TXNRD3: variants seen among roughly 807,000 people sequenced by gnomAD.
The protein encoded by TXNRD3 is thioredoxin reductase 3, also known as TXNRD3 neighbor gene protein.
In TXNRD3, 68 loss-of-function variants were observed where a neutral mutation model predicts 78.2. The ratio of observed to expected loss-of-function variants is 0.87; its 90% CI spans 0.72 to 1.06. TXNRD3 has a LOEUF of 1.06. Among genes scored for constraint, TXNRD3 ranks in the 50% least tolerant of loss-of-function variants. The pLI is 0.00. For missense variants in TXNRD3, 751 were observed against 809.5 expected, an observed-to-expected ratio of 0.93 and a Z score of 0.88; for synonymous variants, 296 against 300.1, an observed-to-expected ratio of 0.99 and a Z score of 0.14.
At position 126,621,855 on chromosome 3, in the gene TXNRD3, G is replaced by A; in HGVS notation, c.1411C>T (p.Pro471Ser). 1 of 1,533,702 alleles carries A rather than the reference G, an allele frequency of 6.5e-7. No homozygotes were observed. Among genetic ancestry groups the A allele is most frequent in the South Asian group, 1.2e-5 (1 of 83,302 alleles). ...ATATCACCAACAGCATAGACATATG[G>A]CACATTGGTCTGTTCCACATCATTT... Residue 471 changes from proline (P) to serine (S), a missense_variant, in exon 12 of 16, where the codon CCA becomes TCA. Physicochemically the swap from Pro to Ser is moderately conservative, Grantham distance 74. Transcript: ENST00000524230.
chr3:126,622,510 T>C lies in TXNRD3; in HGVS notation c.1321A>G (p.Thr441Ala). Residue 441 changes from threonine to alanine, a missense_variant, in exon 11 of 16, where the codon ACA becomes GCA. Thr to Ala is a moderately conservative substitution (Grantham distance 58). Coordinates refer to ENST00000524230, the MANE Select transcript of TXNRD3 (RefSeq NM_052883.3). ...ATCTTCTCCAAGCCTATTTTCCTTG[T>C]ACAGGAGTCACGACCAATAGCTAAC... 1 of 1,535,442 alleles carries C rather than the reference T, an allele frequency of 6.5e-7. No homozygotes were observed. Among genetic ancestry groups the C allele is most frequent in the Non-Finnish European group, 8.7e-7 (1 of 1,146,728 alleles).
chr3:126,620,017 C>T (rs1008959085), intron 12 of TXNRD3, among the ~76,000 whole-genome samples: 13 of 152,138 alleles, frequency 8.5e-5, no homozygotes, highest in Non-Finnish European at 1.2e-4. Context: ...CACTCTTGGC[C>T]GGGCACGGTG....
At chr3:126,626,669 C>A (rs1453737154) in intron 10 of TXNRD3, among the ~76,000 whole-genome samples, 3 of 152,162 alleles carry the variant, frequency 2.0e-5, no homozygotes, top group South Asian at 2.1e-4. Context: ...ACAACTAGGC[C>A]TTCACATATA....
At chr3:126,633,199 T>G (rs777227) in intron 7 of TXNRD3, among the ~76,000 whole-genome samples, 30,466 of 152,058 alleles carry the variant, frequency 0.2, 3,307 homozygotes, top group Admixed American at 0.29. Context: ...TGTGTTATAC[T>G]CCCAATTTCC....
intron 10 of TXNRD3, among the ~76,000 whole-genome samples, chr3:126,628,115 T>C (rs987789032): frequency 3.3e-5 from 5 of 152,250 alleles, no homozygotes; most frequent in Admixed American, 2.0e-4. Flanking sequence ...ACTGTTATAA[T>C]TGAACATACA....
rs1938694845 is a variant in TXNRD3, at chr3:126,630,833, TCTA to T, written c.1073_1075del (p.Leu358_Asp359delinsHis). On this transcript the variant is annotated inframe_deletion, in exon 9 of 16. Coordinates refer to ENST00000524230, the MANE Select transcript of TXNRD3 (RefSeq NM_052883.3). The stretch of plus-strand genomic sequence containing the variant: ...GATTGAGCGTACCATAACTGTGACA[TCTA>T]GGCCAAAGCCAGCCAGAAACCCTGC... 2 of 1,535,632 alleles carry T rather than the reference TCTA, an allele frequency of 1.3e-6. No individual in the cohort carries two copies. Among genetic ancestry groups the T allele is most frequent in the Non-Finnish European group, 1.7e-6 (2 of 1,146,872 alleles).
intron 14 of TXNRD3, 43 bp from the exon 15 acceptor site, chr3:126,608,676 T>C: frequency 6.6e-7 from 1 of 1,521,422 alleles, no homozygotes; most frequent in Non-Finnish European, 8.8e-7. Context: ...AGTAGGTTAA[T>C]GGTCTGAATA....
chr3:126,632,862 G>A (rs1938756599), intron 7 of TXNRD3, among the ~76,000 whole-genome samples: 1 of 152,136 alleles, frequency 6.6e-6, no homozygotes, highest in African/African-American at 2.4e-5. Flanking sequence ...GGGTGAAACG[G>A]AGACTCTGGA....
At chr3:126,631,023 T>C (rs893822086) in intron 8 of TXNRD3, 86 bp from the exon 9 acceptor site, 1 of 1,283,216 alleles carries the variant, frequency 7.8e-7, no homozygotes, top group Non-Finnish European at 1.1e-6. Context: ...GGTCTTGTGA[T>C]GACTGAATTA....
chr3:126,610,896 T>C (rs555749598), intron 14 of TXNRD3, 141 bp downstream of exon 14: 36 of 481,976 alleles, frequency 7.5e-5, no homozygotes, highest in African/African-American at 6.1e-4. Context: ...GGAGGATCAC[T>C]TGAGGCCAGG....
rs1933178349 is a variant in TXNRD3 at position 126,644,336 on chromosome 3, G to A, written c.480C>T (p.Ile160=). Residue 160 remains isoleucine, a synonymous_variant, in exon 4 of 16, where the codon ATC becomes ATT. Transcript: ENST00000524230. Reference sequence around the variant, plus strand: ...GGCCTCCAGAACCACCACCGATGATGATGAGATCATAATCATATGCCAAAT... The same window carrying A: ...GGCCTCCAGAACCACCACCGATGATAATGAGATCATAATCATATGCCAAAT... 3 of 1,536,348 alleles carry A rather than the reference G, an allele frequency of 2.0e-6. No individual in the cohort carries two copies. Among genetic ancestry groups the A allele is most frequent in the Non-Finnish European group, 1.7e-6 (2 of 1,147,002 alleles).
chr3:126,641,618 C>T (rs1933090929), intron 6 of TXNRD3, among the ~76,000 whole-genome samples: 1 of 152,190 alleles, frequency 6.6e-6, no homozygotes, highest in African/African-American at 2.4e-5. Context: ...ATCCCCAGAG[C>T]TTAGCCAATA....
chr3:126,611,170 T>C, intron 13 of TXNRD3, 38 bp from the exon 14 acceptor site: 1 of 1,306,966 alleles, frequency 7.7e-7, no homozygotes. Flanking sequence ...AGAATTAATG[T>C]ATATGGAAAC....
chr3:126,623,487 G>A (rs1296519931), intron 10 of TXNRD3, among the ~76,000 whole-genome samples: 2 of 152,006 alleles, frequency 1.3e-5, no homozygotes, highest in African/African-American at 2.4e-5. Context: ...TATATAAAAA[G>A]GATAATTGTT....
intron 12 of TXNRD3, among the ~76,000 whole-genome samples, chr3:126,620,576 A>C (rs1411506750): frequency 1.3e-5 from 2 of 152,212 alleles, no homozygotes; most frequent in Non-Finnish European, 2.9e-5. Flanking sequence ...GAACAAAAAC[A>C]GCAGGATGTG....
intron 6 of TXNRD3, among the ~76,000 whole-genome samples, chr3:126,638,162 CT>C (rs1932954377): frequency 1.3e-5 from 2 of 151,926 alleles, no homozygotes; most frequent in South Asian, 4.2e-4. Context: ...CCAGAATGGT[CT>C]TGATCTCCTG....
intron 1 of TXNRD3, among the ~76,000 whole-genome samples, chr3:126,649,426 C>G (rs1933320715): frequency 6.6e-6 from 1 of 152,202 alleles, no homozygotes; most frequent in Non-Finnish European, 1.5e-5. Context: ...CTATGGAAAA[C>G]AGAATGACAG....
intron 10 of TXNRD3, among the ~76,000 whole-genome samples, chr3:126,627,425 G>A (rs554322021): frequency 1.4e-4 from 21 of 152,274 alleles, no homozygotes; most frequent in South Asian, 4.1e-4. Context: ...AGCACAGAGC[G>A]CTTTCTGGAC....
chr3:126,621,416 G>C (rs1559772394), intron 12 of TXNRD3, among the ~76,000 whole-genome samples: 1 of 152,130 alleles, frequency 6.6e-6, no homozygotes, highest in East Asian at 1.9e-4. Context: ...AGTGTCCCTA[G>C]AGCAACCTGC....
Sources: gnomAD v4.1 joint callset for allele counts (sites outside exome capture counted in the v4.1 genomes callset) on GRCh38, gnomAD v4.1.1 for gene constraint, MANE v1.5 for transcripts, NCBI Gene and HGNC (gene_info 2026-07-23, HGNC 2026-07-21) for gene names.